CELSR3: variants seen among roughly 807,000 people sequenced by gnomAD.
CELSR3 encodes the protein cadherin EGF LAG seven-pass G-type receptor 3.
A neutral mutation model predicts 270.0 loss-of-function variants in CELSR3; 73 were observed. That is an observed-to-expected ratio of 0.27 (90% CI 0.22 to 0.33). The LOEUF (loss-of-function observed/expected upper bound fraction) is 0.33, where lower values mean the gene tolerates loss of function less well. CELSR3 is among the 10% of genes least tolerant of loss of function. The pLI is 1.00. For synonymous variants in CELSR3, 1,780 were observed against 1,905.4 expected (o/e 0.93, Z 1.71); for missense variants, 3,614 against 4,533.8 (o/e 0.80, Z 5.83).
In CELSR3 at chr3:48,661,658, G is replaced by A. The variant is rs1195154288; in HGVS notation, c.977C>T (p.Pro326Leu). The change falls in exon 1 of 35, where the codon CCG becomes CTG. Residue 326 changes from proline (P) to leucine (L), a missense_variant. By Grantham distance (98) the Pro-to-Leu change is moderately conservative. This residue lies in a region of CELSR3 where 470 missense variants were observed against 469.7 expected (regional missense o/e 1.00). Transcript: ENST00000164024. Reference protein sequence around the residue: ...RRAANRHPQFPQYNYQTLVPE... With the variant: ...RRAANRHPQFLQYNYQTLVPE... ...CACCAGCGTCTGGTAGTTGTACTGC[G>A]GAAACTGCGGGTGGCGGTTTGCGGC... The A allele has an allele frequency of 1.3e-6, 2 of 1,589,106 alleles. No individual in the cohort carries two copies.
At chr3:48,648,238 G>GCCCCCCCCCAC in intron 19 of CELSR3, 28 bp downstream of exon 19, 2 of 1,342,626 alleles carry the variant, frequency 1.5e-6, no homozygotes, top group Non-Finnish European at 2.1e-6. Context: ...CCCCTGCTGT[G>GCCCCCCCCCAC]CCCCGCCCTA....
Position 48,660,455 on chromosome 3 carries a change from T to C in CELSR3, c.2180A>G (p.Glu727Gly). 2 of 1,614,028 alleles carry C rather than the reference T, an allele frequency of 1.2e-6. No homozygotes were observed. Among genetic ancestry groups the C allele is most frequent in the Non-Finnish European group, 1.7e-6 (2 of 1,180,008 alleles). ...ESVEHYFFGV[E>G]ARDHGSPPLS... is the part of the protein sequence containing the mutation. ...TGGGGGTGAGCCATGGTCTCGAGCC[T>C]CCACACCAAAGAAGTAATGCTCCAC... is the stretch of plus-strand genomic sequence containing the variant. The change falls in exon 1 of 35, where the codon GAG (glutamate) becomes GGG (glycine). Residue 727 changes from glutamate to glycine, a missense_variant. By Grantham distance (98) the Glu-to-Gly change is moderately conservative. This residue lies in a region of CELSR3 where 215 missense variants were observed against 241.2 expected (regional missense o/e 0.89). Transcript: ENST00000164024. This position sits in a 1 kb window ranked among gnomAD's most constrained non-coding sequence, Gnocchi z 5.5.
At position 48,645,558 on chromosome 3, in the gene CELSR3, A is replaced by C. The variant is rs1448885019; in HGVS notation, c.7682T>G (p.Leu2561Arg). The stretch of plus-strand genomic sequence containing the variant: ...GGACTTGAGGCTGCGCAGGCTCAGC[A>C]GGATGGCTGCAGTCAGCACCAGCGC... ...VAALVLTAAILLSLRSLKSNV... is the reference protein window; with the variant it reads ...VAALVLTAAIRLSLRSLKSNV... Residue 2561 changes from leucine (L) to arginine (R), a missense_variant, in exon 24 of 35, where the codon CTG becomes CGG. By Grantham distance (102) the Leu-to-Arg change is moderately radical. This residue lies in a region of CELSR3 where 1,240 missense variants were observed against 1,351.7 expected (regional missense o/e 0.92). Transcript: ENST00000164024. This position sits in a 1 kb window ranked among gnomAD's most constrained non-coding sequence, Gnocchi z 5.4. The C allele has an allele frequency of 6.2e-7, 1 of 1,612,688 alleles. No individual in the cohort carries two copies. The highest frequency in any genetic ancestry group is 8.5e-7 in the Non-Finnish European group (1 of 1,179,984).
rs1339396798 is a variant in CELSR3 at position 48,640,695 on chromosome 3, G to A, written c.9026-136C>T. Reference sequence around the variant, plus strand: ...GGGAGCAGGAACCCCTTGGGGAGCAGCAGAGGCAACCCTGGTGGTCCCAGA... The same window carrying A: ...GGGAGCAGGAACCCCTTGGGGAGCAACAGAGGCAACCCTGGTGGTCCCAGA... On this transcript the variant is annotated intron_variant, in intron 33 of 34. Coordinates refer to ENST00000164024, the MANE Select transcript of CELSR3 (RefSeq NM_001407.3). This position sits in a 1 kb window ranked among gnomAD's most constrained non-coding sequence, Gnocchi z 7.5. 2 of 959,694 alleles carry A rather than the reference G, an allele frequency of 2.1e-6. No homozygotes were observed. Among genetic ancestry groups the A allele is most frequent in the Non-Finnish European group, 3.0e-6 (2 of 667,486 alleles). 59.4% of individuals were successfully genotyped at this position (959,694 alleles called of 1,614,324 possible).
chr3:48,661,793 A>C lies in CELSR3; in HGVS notation c.842T>G (p.Leu281Arg). ...PAPKRMRSRG[L>R]FRCRFLPQRP... ...CTGCGGGAGGAAGCGGCAGCGGAAG[A>C]GACCCCGGGAGCGCATGCGCTTGGG... Residue 281 changes from leucine (L) to arginine (R), a missense_variant, in exon 1 of 35, where the codon CTC (leucine) becomes CGC (arginine). By Grantham distance (102) the Leu-to-Arg change is moderately radical. Transcript: ENST00000164024. The C allele has an allele frequency of 8.1e-6, 13 of 1,606,322 alleles. No homozygotes were observed. The highest frequency in any genetic ancestry group is 1.7e-4 in the Middle Eastern group (1 of 5,896).
In CELSR3 at chr3:48,653,821, C is replaced by T. The variant is rs2047158185; in HGVS notation, c.5279-33G>A. 2 of 1,612,556 alleles carry T rather than the reference C, an allele frequency of 1.2e-6. No individual in the cohort carries two copies. The highest frequency in any genetic ancestry group is 2.2e-5 in the South Asian group (2 of 91,070). On this transcript the variant is annotated intron_variant, in intron 8 of 34. Transcript: ENST00000164024. This position sits in a 1 kb window ranked among gnomAD's most constrained non-coding sequence, Gnocchi z 6.5. ...GATAAGAGAAACAGGGTTACAGCCC[C>T]TGCCCCAGGAACAGATCTGACCCTG...
Position 48,655,680 on chromosome 3 carries a change from G to T in CELSR3, c.4741+56C>A. The T allele has an allele frequency of 6.9e-7, 1 of 1,447,034 alleles. No individual in the cohort carries two copies. The highest frequency in any genetic ancestry group is 9.7e-7 in the Non-Finnish European group (1 of 1,028,628). 89.6% of individuals were successfully genotyped at this position (1,447,034 alleles called of 1,614,324 possible). On this transcript the variant is annotated intron_variant, in intron 4 of 34. Transcript: ENST00000164024. This position sits in a 1 kb window ranked among gnomAD's most constrained non-coding sequence, Gnocchi z 5.8. ...GTGAAGCAAACCTGAGGGGACTTGGGCCCTGCGTCCTCCAGCACACACGCA... is the reference window on the plus strand; with the variant it reads ...GTGAAGCAAACCTGAGGGGACTTGGTCCCTGCGTCCTCCAGCACACACGCA...
chr3:48,643,008 T>G lies in CELSR3; in HGVS notation c.8365A>C (p.Arg2789=). The change falls in exon 29 of 35, where the codon AGG becomes CGG. Residue 2789 remains arginine (R), a synonymous_variant. Transcript: ENST00000164024. Reference sequence around the variant, plus strand: ...CTTGCCTCCTCAGGCGCTGCCTTCCTGCCCAGACAGGCTGGCATCCAGGCA... The same window carrying G: ...CTTGCCTCCTCAGGCGCTGCCTTCCGGCCCAGACAGGCTGGCATCCAGGCA... ...RAAWMPACLG[R]KAAPEEARPA... 1 of 1,612,854 alleles carries G rather than the reference T, an allele frequency of 6.2e-7. No homozygotes were observed. Among genetic ancestry groups the G allele is most frequent in the South Asian group, 1.1e-5 (1 of 91,082 alleles).
rs1575538109 is a variant in CELSR3, at chr3:48,641,857, G to T, written c.8818C>A (p.Pro2940Thr). 2 of 1,471,532 alleles carry T rather than the reference G, an allele frequency of 1.4e-6. No homozygotes were observed. The highest frequency in any genetic ancestry group is 1.8e-6 in the Non-Finnish European group (2 of 1,110,900). 91.2% of individuals were successfully genotyped at this position (1,471,532 alleles called of 1,614,324 possible). Residue 2940 changes from proline (P) to threonine (T), a missense_variant, in exon 32 of 35, where the codon CCC (proline) becomes ACC (threonine). By Grantham distance (38) the Pro-to-Thr change is conservative (BLOSUM62 -1). Transcript: ENST00000164024. The surrounding 1 kb of genome is among the most constrained non-coding windows in gnomAD (Gnocchi z 4.8). ...GTCAGAGGGCGCCTGGCACCTTTGG[G>T]GTGGGTGAGGAGCCTCTCACTCTGG... ...AAQSERLLTH[P>T]KDVDGNDLLS...
At position 48,641,406 on chromosome 3, in the gene CELSR3, A is replaced by G. The variant is rs2047025229; in HGVS notation, c.8943T>C (p.Asp2981=). The part of the protein sequence containing the change: ...ERRLGLDTSK[D]AANNNQPDPA... ...GGTCTGGCTGGTTGTTGTTAGCTGC[A>G]TCCTTGCTGGTGTCCAGCCCCAGGC... Residue 2981 remains aspartate, a synonymous_variant, in exon 33 of 35, where the codon GAT becomes GAC. Transcript: ENST00000164024. This position sits in a 1 kb window ranked among gnomAD's most constrained non-coding sequence, Gnocchi z 4.8. 6.2e-7 allele frequency: 1 copy of G among 1,612,460 alleles called. No homozygotes were observed. Among genetic ancestry groups the G allele is most frequent in the South Asian group, 1.1e-5 (1 of 91,068 alleles).
In CELSR3 at chr3:48,654,720, T is replaced by C. The variant is rs2047165490; in HGVS notation, c.4989-268A>G. Among the ~76,000 whole-genome samples, 1 of 150,156 alleles carries C rather than the reference T, an allele frequency of 6.7e-6. No individual in the cohort carries two copies. The highest frequency in any genetic ancestry group is 1.5e-5 in the Non-Finnish European group (1 of 67,582). ...GGCATCTGGCTGGCTGGGGAGGGGA[T>C]GGAGACGTGAAGACTCTGGGGGACT... On this transcript the variant is annotated intron_variant, in intron 6 of 34. Transcript: ENST00000164024. This position sits in a 1 kb window ranked among gnomAD's most constrained non-coding sequence, Gnocchi z 5.4.
chr3:48,655,782 C>A lies in CELSR3; in HGVS notation c.4695G>T (p.Leu1565=). The part of the protein sequence containing the change: ...NGRLNEKHDF[L]ALELVAGQVR... The stretch of plus-strand genomic sequence containing the variant: ...CTTGGCCAGCCACGAGTTCCAGGGC[C>A]AGGAAGTCGTGCTTCTCGTTCAGGC... Residue 1565 remains leucine (L), a synonymous_variant, in exon 4 of 35, where the codon CTG becomes CTT. Transcript: ENST00000164024. The surrounding 1 kb of genome is among the most constrained non-coding windows in gnomAD (Gnocchi z 5.8). The A allele has an allele frequency of 6.2e-7, 1 of 1,610,496 alleles. No homozygotes were observed. The highest frequency in any genetic ancestry group is 8.5e-7 in the Non-Finnish European group (1 of 1,178,776).
rs956743895 is a variant in CELSR3, at chr3:48,654,726, C to T, written c.4989-274G>A. ...TGGCTGGCTGGGGAGGGGATGGAGA[C>T]GTGAAGACTCTGGGGGACTGGACAT... is the stretch of plus-strand genomic sequence containing the variant. On this transcript the variant is annotated intron_variant, in intron 6 of 34. Transcript: ENST00000164024. The surrounding 1 kb of genome is among the most constrained non-coding windows in gnomAD (Gnocchi z 5.4). 2.3e-4 allele frequency among the ~76,000 whole-genome samples: 34 copies of T among 151,072 alleles called. No individual in the cohort carries two copies. The highest frequency in any genetic ancestry group is 2.0e-3 in the Admixed American group (30 of 15,154).
In CELSR3 at chr3:48,639,725, G is replaced by A. The variant is rs767220916; in HGVS notation, c.9860C>T (p.Thr3287Met). The A allele has an allele frequency of 2.6e-5, 42 of 1,613,588 alleles. No individual in the cohort carries two copies. Among genetic ancestry groups the A allele is most frequent in the South Asian group, 8.8e-5 (8 of 91,084 alleles). The change falls in exon 34 of 35, where the codon ACG (threonine) becomes ATG (methionine). Residue 3287 changes from threonine to methionine, a missense_variant. Transcript: ENST00000164024. The surrounding 1 kb of genome is among the most constrained non-coding windows in gnomAD (Gnocchi z 4.1). ...SATASVLGPS[T>M]PRSATSHSIS... ...GCTGTGAGACGTGGCAGAACGTGGC[G>A]TGGAGGGCCCAAGCACAGAGGCTGT...
At chr3:48,638,437 G>A (rs2046992842) in intron 34 of CELSR3, among the ~76,000 whole-genome samples, 1 of 152,098 alleles carries the variant, frequency 6.6e-6, no homozygotes, top group Non-Finnish European at 1.5e-5. Flanking sequence ...CTCCTTGGCT[G>A]CCCAGGTGTT....
Position 48,655,080 on chromosome 3 carries a change from G to C in CELSR3, c.4952C>G (p.Ser1651Ter), listed in dbSNP as rs953290935. 2.5e-6 allele frequency: 4 copies of C among 1,613,912 alleles called. No homozygotes were observed. Among genetic ancestry groups the C allele is most frequent in the Non-Finnish European group, 3.4e-6 (4 of 1,179,922 alleles). ...TGTTTGCACACCAGCAGCCGCGCATGAGTAGTTGCCAATCTCAGCACCAAA... is the reference window on the plus strand; with the variant it reads ...TGTTTGCACACCAGCAGCCGCGCATCAGTAGTTGCCAATCTCAGCACCAAA... Reference protein sequence around the residue: ...LQFGAEIGNYSCAAAGVQTSS... With the variant: ...LQFGAEIGNY Residue 1651 changes from serine to a stop codon, truncating the protein, a stop_gained, in exon 6 of 35, where the codon TCA (serine) becomes TGA (stop). Transcript: ENST00000164024. LOFTEE classifies it high-confidence loss of function. The surrounding 1 kb of genome is among the most constrained non-coding windows in gnomAD (Gnocchi z 5.8).
rs972930380 is a variant in CELSR3 at position 48,653,449 on chromosome 3, G to A, written c.5448+170C>T. On this transcript the variant is annotated intron_variant, in intron 9 of 34. Transcript: ENST00000164024. The surrounding 1 kb of genome is among the most constrained non-coding windows in gnomAD (Gnocchi z 6.5). ...ATGCTGGAGCCCTGCACCTGCAGAG[G>A]ATATAATGATGGAAAGAGAATCAAG... Among the ~76,000 whole-genome samples, 2 of 152,194 alleles carry A rather than the reference G, an allele frequency of 1.3e-5. No individual in the cohort carries two copies. Among genetic ancestry groups the A allele is most frequent in the Non-Finnish European group, 2.9e-5 (2 of 68,030 alleles).
rs1034055799 is a variant in CELSR3, at chr3:48,658,339, T to A, written c.3748+548A>T. On this transcript the variant is annotated intron_variant, in intron 1 of 34. Transcript: ENST00000164024. This position sits in a 1 kb window ranked among gnomAD's most constrained non-coding sequence, Gnocchi z 4.7. ...GGGGTTTCTGAAAGACTGGAGCAGA[T>A]GGGGCAGGAAAGAGGCAAGTGGACC... is the stretch of plus-strand genomic sequence containing the variant. 2.6e-5 allele frequency among the ~76,000 whole-genome samples: 4 copies of A among 152,142 alleles called. No homozygotes were observed. Among genetic ancestry groups the A allele is most frequent in the Non-Finnish European group, 5.9e-5 (4 of 68,018 alleles).
chr3:48,653,523 A>G lies in CELSR3; in HGVS notation c.5448+96T>C, dbSNP rs1443879032. 6.9e-7 allele frequency: 1 copy of G among 1,448,024 alleles called. No individual in the cohort carries two copies. Among genetic ancestry groups the G allele is most frequent in the East Asian group, 2.3e-5 (1 of 43,706 alleles). 89.7% of individuals were successfully genotyped at this position (1,448,024 alleles called of 1,614,324 possible). A position where few individuals can be genotyped will look rare whatever the true frequency, so the allele number is the denominator to read the frequency against. On this transcript the variant is annotated intron_variant, in intron 9 of 34. Coordinates refer to ENST00000164024, the MANE Select transcript of CELSR3 (RefSeq NM_001407.3). This position sits in a 1 kb window ranked among gnomAD's most constrained non-coding sequence, Gnocchi z 6.5. ...AGTGTGGTTGGGACACCTGGCAGAAAAGTATGCTGTGTGACCAACCTGAAC... is the reference window on the plus strand; with the variant it reads ...AGTGTGGTTGGGACACCTGGCAGAAGAGTATGCTGTGTGACCAACCTGAAC...
Sources: allele counts gnomAD v4.1 joint callset (sites outside exome capture counted in the v4.1 genomes callset), GRCh38; gene constraint gnomAD v4.1.1; regional missense constraint gnomAD v4.1.1; non-coding constraint Gnocchi (gnomAD v3.1); transcripts MANE v1.5; gene names NCBI Gene and HGNC (gene_info 2026-07-23, HGNC 2026-07-21).